NLRP11: variants seen among roughly 807,000 people sequenced by gnomAD.
NLRP11 encodes the protein NACHT, LRR and PYD domains-containing protein 11.
A neutral mutation model predicts 79.3 loss-of-function variants in NLRP11; 53 were observed. The observed-to-expected ratio is 0.67, with a 90% CI of 0.54 to 0.84. The LOEUF (loss-of-function observed/expected upper bound fraction) is 0.84, where lower values mean the gene tolerates loss of function less well. Ranked by LOEUF, NLRP11 falls within the 40% of genes least tolerant of loss-of-function variation. NLRP11 has a pLI of 0.00. For synonymous variants in NLRP11, 518 were observed against 462.6 expected, an observed-to-expected ratio of 1.12 and a Z score of -1.54; for missense variants, 1,264 against 1,255.0, an observed-to-expected ratio of 1.01 and a Z score of -0.11.
chr19:55,794,418 T>TA (rs1360506744), intron 6 of NLRP11, among the ~76,000 whole-genome samples: 1 of 152,192 alleles, frequency 6.6e-6, no homozygotes, highest in African/African-American at 2.4e-5. Context: ...TATTGACAAT[T>TA]ACTTACTGGA....
intron 4 of NLRP11, 24 bp downstream of exon 4, chr19:55,807,829 G>A: frequency 6.6e-7 from 1 of 1,526,566 alleles, no homozygotes; most frequent in African/African-American, 1.4e-5. Flanking sequence ...GAACCTCTAA[G>A]GCAGAGGTTG....
chr19:55,794,684 C>T (rs1418010345), intron 6 of NLRP11, among the ~76,000 whole-genome samples: 5 of 151,748 alleles, frequency 3.3e-5, no homozygotes, highest in Admixed American at 1.3e-4. Context: ...GGCGTGAACC[C>T]GGGAGGCGGA....
intron 2 of NLRP11, among the ~76,000 whole-genome samples, chr19:55,817,367 C>T (rs975706732): frequency 1.3e-5 from 2 of 152,136 alleles, no homozygotes; most frequent in Non-Finnish European, 2.9e-5. Context: ...AAAACACATG[C>T]ACACACATTT....
At chr19:55,786,269 A>T (rs1260444280) in intron 9 of NLRP11, among the ~76,000 whole-genome samples, 1 of 152,176 alleles carries the variant, frequency 6.6e-6, no homozygotes, top group African/African-American at 2.4e-5. Flanking sequence ...CCCACGTCTA[A>T]TCCCAGCACT....
chr19:55,820,724 A>G (rs2122885542), intron 1 of NLRP11, among the ~76,000 whole-genome samples: 1 of 152,292 alleles, frequency 6.6e-6, no homozygotes, highest in East Asian at 1.9e-4. Flanking sequence ...AATAAAATGG[A>G]ATGTGAAGCC....
chr19:55,818,630 C>G (rs1167730201), intron 1 of NLRP11, among the ~76,000 whole-genome samples: 1 of 152,120 alleles, frequency 6.6e-6, no homozygotes, highest in African/African-American at 2.4e-5. Flanking sequence ...TGAAACTCCT[C>G]TATGTTAGAA....
chr19:55,818,402 T>C (rs1380164067), intron 1 of NLRP11, among the ~76,000 whole-genome samples, 166 bp from the exon 2 acceptor site: 1 of 152,200 alleles, frequency 6.6e-6, no homozygotes, highest in Non-Finnish European at 1.5e-5. Context: ...TGTCGACTGA[T>C]CTTGGCAAAT....
intron 3 of NLRP11, among the ~76,000 whole-genome samples, chr19:55,808,366 G>A (rs78375736): frequency 0.039 from 5,914 of 152,266 alleles, 243 homozygotes; most frequent in East Asian, 0.18. Flanking sequence ...CTATACAACA[G>A]ATCTGAAGAA....
chr19:55,790,716 A>C (rs563850603), intron 7 of NLRP11, among the ~76,000 whole-genome samples: 1 of 152,322 alleles, frequency 6.6e-6, no homozygotes, highest in Admixed American at 6.5e-5. Context: ...AGTCCTAGCT[A>C]CTCAGGAGGC....
chr19:55,817,710 T>G (rs6509962), intron 2 of NLRP11, among the ~76,000 whole-genome samples, 194 bp downstream of exon 2: 31,555 of 151,406 alleles, frequency 0.21, 4,960 homozygotes, highest in African/African-American at 0.45. Context: ...GACTACACAC[T>G]GGGTACAGTG....
chr19:55,804,860 C>G (rs1206096426), intron 4 of NLRP11, among the ~76,000 whole-genome samples: 1 of 152,000 alleles, frequency 6.6e-6, no homozygotes, highest in Non-Finnish European at 1.5e-5. Flanking sequence ...GTCAAGAAAT[C>G]GAGACCATCC....
At chr19:55,830,598 T>TAAAAAA (rs201476127) in intron 1 of NLRP11, among the ~76,000 whole-genome samples, 21 of 129,194 alleles carry the variant, frequency 1.6e-4, no homozygotes, top group African/African-American at 5.4e-4. Flanking sequence ...CTTAGCTTCC[T>TAAAAAA]AAAAAAAAAA....
intron 7 of NLRP11, among the ~76,000 whole-genome samples, chr19:55,791,233 T>C (rs1600172834): frequency 1.3e-5 from 2 of 152,098 alleles, no homozygotes; most frequent in East Asian, 3.8e-4. Context: ...TATTCTACAG[T>C]ATGAGTGAAT....
chr19:55,788,033 C>G (rs998634321), intron 9 of NLRP11, among the ~76,000 whole-genome samples: 1 of 152,192 alleles, frequency 6.6e-6, no homozygotes, highest in African/African-American at 2.4e-5. Context: ...AGTCCTGACA[C>G]TCACATAGAC....
Position 55,821,246 on chromosome 19 carries a change from CACA to C in NLRP11, c.-62-3013_-62-3011del, listed in dbSNP as rs1271619394. On this transcript the variant is annotated intron_variant, in intron 1 of 9. Transcript: ENST00000589093. ...ACACACACACACACACACACACACA[CACA>C]CCCCAAGCACTGAGTTTGTAATGAT... Among the ~76,000 whole-genome samples, 759 of 120,152 alleles carry C rather than the reference CACA, an allele frequency of 6.3e-3. 9 individuals are homozygous for C. The highest frequency in any genetic ancestry group is 0.022 in the African/African-American group (706 of 32,136). 78.8% of individuals were successfully genotyped at this position (120,152 alleles called of 152,430 possible). A position where few individuals can be genotyped will look rare whatever the true frequency, so the allele number is the denominator to read the frequency against.
chr19:55,805,675 G>C (rs1402888294), intron 4 of NLRP11, among the ~76,000 whole-genome samples: 1 of 152,076 alleles, frequency 6.6e-6, no homozygotes, highest in Non-Finnish European at 1.5e-5. Context: ...AAGTAGCTGG[G>C]ATTACAGTTG....
At chr19:55,797,993 A>AT (rs200637929) in intron 5 of NLRP11, among the ~76,000 whole-genome samples, 7,970 of 136,824 alleles carry the variant, frequency 0.058, 244 homozygotes, top group African/African-American at 0.075. Flanking sequence ...ATTCTATATT[A>AT]TTATTATTTT....
chr19:55,819,448 T>A (rs1010402151), intron 1 of NLRP11, among the ~76,000 whole-genome samples: 4 of 152,152 alleles, frequency 2.6e-5, no homozygotes, highest in African/African-American at 9.7e-5. Flanking sequence ...CCTGGTATCA[T>A]TACACTCCGT....
intron 2 of NLRP11, among the ~76,000 whole-genome samples, chr19:55,814,463 A>G (rs1457490583): frequency 6.6e-6 from 1 of 152,148 alleles, no homozygotes; most frequent in Non-Finnish European, 1.5e-5. Flanking sequence ...TGGTGCCAAA[A>G]AGGTGCGGGA....
Sources: gnomAD v4.1 joint callset for allele counts (sites outside exome capture counted in the v4.1 genomes callset) on GRCh38, gnomAD v4.1.1 for gene constraint, MANE v1.5 for transcripts, NCBI Gene and HGNC (gene_info 2026-07-23, HGNC 2026-07-21) for gene names.